LRGUK: variants seen among roughly 807,000 people sequenced by gnomAD.
LRGUK encodes leucine-rich repeat and guanylate kinase domain-containing protein.
A neutral mutation model predicts 76.0 loss-of-function variants in LRGUK; 65 were observed. That is an observed-to-expected ratio of 0.85 (90% CI 0.70 to 1.05). The LOEUF (loss-of-function observed/expected upper bound fraction) is 1.05. LRGUK is among the 50% of genes least tolerant of loss of function. LRGUK has a pLI of 0.00. For synonymous variants in LRGUK, 268 were observed against 265.6 expected (o/e 1.01, Z -0.09); for missense variants, 758 against 732.8 (o/e 1.03, Z -0.40).
chr7:134,257,158 A>G (rs1802604988), intron 18 of LRGUK, among the ~76,000 whole-genome samples: 1 of 152,204 alleles, frequency 6.6e-6, no homozygotes, highest in Middle Eastern at 3.2e-3. Flanking sequence ...CTTCTTGCTT[A>G]GGCCTGAAAT....
intron 16 of LRGUK, among the ~76,000 whole-genome samples, chr7:134,246,158 G>A (rs948828032): frequency 4.6e-5 from 7 of 152,196 alleles, no homozygotes; most frequent in Non-Finnish European, 1.0e-4. Flanking sequence ...GCTAGGAACA[G>A]TTGACAGCAA....
chr7:134,201,737 T>G (rs1023966812), intron 15 of LRGUK, among the ~76,000 whole-genome samples, 161 bp downstream of exon 15: 4 of 151,980 alleles, frequency 2.6e-5, no homozygotes, highest in Admixed American at 6.6e-5. Context: ...GCAGCATGAG[T>G]CAGCTTTCTG....
intron 7 of LRGUK, among the ~76,000 whole-genome samples, chr7:134,166,626 C>G (rs1159774860): frequency 6.6e-6 from 1 of 152,176 alleles, no homozygotes; most frequent in Non-Finnish European, 1.5e-5. Flanking sequence ...TGAGTAATAA[C>G]AGTGCTCCTC....
chr7:134,262,434 A>T (rs1199150414), intron 19 of LRGUK, among the ~76,000 whole-genome samples: 2 of 152,220 alleles, frequency 1.3e-5, no homozygotes, highest in Non-Finnish European at 2.9e-5. Context: ...CTATTTTTTT[A>T]AATGGCAATA....
chr7:134,264,117 A>C, exon 20 of LRGUK: 1 of 722,020 alleles, frequency 1.4e-6, no homozygotes, highest in South Asian at 6.5e-5. Context: ...TAATTCTATC[A>C]GCCAGTTTCT....
At chr7:134,161,651 C>T (rs1798735449) in intron 6 of LRGUK, among the ~76,000 whole-genome samples, 2 of 150,600 alleles carry the variant, frequency 1.3e-5, no homozygotes, top group East Asian at 3.9e-4. Context: ...AAAACGTGTA[C>T]CAGGGAAAAT....
intron 4 of LRGUK, among the ~76,000 whole-genome samples, chr7:134,145,593 G>A (rs1023528825): frequency 6.6e-6 from 1 of 152,048 alleles, no homozygotes; most frequent in South Asian, 2.1e-4. Flanking sequence ...AAAGCTGTGG[G>A]GCTGTCCTGA....
intron 16 of LRGUK, among the ~76,000 whole-genome samples, chr7:134,237,945 G>T (rs529723053): frequency 1.3e-5 from 2 of 152,046 alleles, no homozygotes; most frequent in Admixed American, 6.5e-5. Context: ...TTACTCCGTT[G>T]ATTTATCCCA....
At chr7:134,263,724 T>A in intron 19 of LRGUK, 121 bp from the exon 20 acceptor site, 1 of 995,232 alleles carries the variant, frequency 1.0e-6, no homozygotes, top group Non-Finnish European at 1.4e-6. Flanking sequence ...CTCATTTATT[T>A]CTTATAGTTT....
chr7:134,233,159 T>C (rs541445546), intron 16 of LRGUK, among the ~76,000 whole-genome samples: 3 of 152,376 alleles, frequency 2.0e-5, no homozygotes, highest in South Asian at 4.1e-4. Context: ...GATATTGTTA[T>C]ACTTCAGTCT....
intron 7 of LRGUK, among the ~76,000 whole-genome samples, chr7:134,169,312 C>T (rs77849184): frequency 0.14 from 21,156 of 151,960 alleles, 1,868 homozygotes; most frequent in East Asian, 0.32. Context: ...GGTTCTCCTC[C>T]AGAACCTTCT....
chr7:134,158,045 A>G, exon 6 of LRGUK: 1 of 1,612,140 alleles, frequency 6.2e-7, no homozygotes, highest in Non-Finnish European at 8.5e-7. Flanking sequence ...GCAATGAGAT[A>G]GAAGAAATCA....
At chr7:134,235,833 C>A (rs1802001117) in intron 16 of LRGUK, among the ~76,000 whole-genome samples, 1 of 152,028 alleles carries the variant, frequency 6.6e-6, no homozygotes, top group African/African-American at 2.4e-5. Context: ...TAATAGTAAT[C>A]AAGTCCTAGG....
chr7:134,258,259 G>A, exon 19 of LRGUK: 1 of 1,613,698 alleles, frequency 6.2e-7, no homozygotes. Flanking sequence ...TTTTTCAGTG[G>A]GAAGGATTCC....
rs1430412190 is a variant in LRGUK, at chr7:134,148,258, C to A, written c.609C>A (p.Asn203Lys). ...GCCAGAAGGCGGATTTTTCCCACAACCAAATTTCTGAAATTTGTGATTTGT... is the reference window on the plus strand; with the variant it reads ...GCCAGAAGGCGGATTTTTCCCACAAACAAATTTCTGAAATTTGTGATTTGT... Residue 203 changes from asparagine (N) to lysine (K), a missense_variant, in exon 5 of 16, where the codon AAC becomes AAA. By Grantham distance (94) the Asn-to-Lys change is moderately conservative. Transcript: ENST00000645682. 4 of 1,604,722 alleles carry A rather than the reference C, an allele frequency of 2.5e-6. No individual in the cohort carries two copies. In the African/African-American group the frequency reaches 4.0e-5, roughly 16 times the overall value.
At chr7:134,166,920 C>T (rs1799015308) in intron 7 of LRGUK, among the ~76,000 whole-genome samples, 3 of 152,178 alleles carry the variant, frequency 2.0e-5, no homozygotes, top group Admixed American at 2.0e-4. Context: ...ACTTTGGGGG[C>T]ATTAAACCCA....
chr7:134,172,233 T>A (rs1799285375), intron 7 of LRGUK, among the ~76,000 whole-genome samples: 1 of 152,212 alleles, frequency 6.6e-6, no homozygotes. Context: ...AATTACAGGA[T>A]CATGGTGTTC....
intron 14 of LRGUK, 66 bp from the exon 15 acceptor site, chr7:134,201,415 G>A (rs780375543): frequency 7.5e-6 from 9 of 1,201,822 alleles, no homozygotes; most frequent in South Asian, 2.5e-5. Flanking sequence ...CATTACCACC[G>A]ATAGTTGAAC....
At chr7:134,219,869 T>A (rs944470050) in intron 15 of LRGUK, among the ~76,000 whole-genome samples, 32 of 152,290 alleles carry the variant, frequency 2.1e-4, no homozygotes, top group African/African-American at 7.2e-4. Context: ...TTTTAATATT[T>A]GTTCAAGATG....
Sources: gnomAD v4.1 joint callset for allele counts (sites outside exome capture counted in the v4.1 genomes callset) on GRCh38, gnomAD v4.1.1 for gene constraint, MANE v1.5 for transcripts, NCBI Gene and HGNC (gene_info 2026-07-23, HGNC 2026-07-21) for gene names.